The following MICAL3 variants were observed in gnomAD, a reference collection of about 807,000 sequenced individuals.
The protein encoded by MICAL3 is [F-actin]-monooxygenase MICAL3.
MICAL3 carries 62 observed loss-of-function variants against 207.4 expected under a neutral mutation model. That is an observed-to-expected ratio of 0.30 (90% confidence interval 0.24 to 0.37). The LOEUF is 0.37. Among genes scored for constraint, MICAL3 ranks in the 10% least tolerant of loss-of-function variants. MICAL3 has a pLI of 1.00. For missense variants in MICAL3, 2,368 were observed against 2,635.6 expected, an observed-to-expected ratio of 0.90 and a Z score of 2.22; for synonymous variants, 1,077 against 1,069.3, an observed-to-expected ratio of 1.01 and a Z score of -0.14.
At chr22:17,933,232 C>T (rs1933356078) in intron 1 of MICAL3, among the ~76,000 whole-genome samples, 1 of 152,198 alleles carries the variant, frequency 6.6e-6, no homozygotes, top group South Asian at 2.1e-4. Context: ...TAAAGCACTC[C>T]TCAGCAAATG....
At chr22:17,884,961 A>T (rs538710934) in intron 16 of MICAL3, among the ~76,000 whole-genome samples, 9 of 152,332 alleles carry the variant, frequency 5.9e-5, no homozygotes, top group South Asian at 2.1e-4. Context: ...GGAGAGAGAG[A>T]AGAGAAATTC....
chr22:17,886,081 C>T lies in MICAL3; in HGVS notation c.2068-30G>A, dbSNP rs367847172. 128 of 1,610,542 alleles carry T rather than the reference C, an allele frequency of 7.9e-5. No individual in the cohort carries two copies. The Middle Eastern group carries it at 1.4e-3, about 18-fold the overall frequency. ...TCAATGCCAACCCCAAAGAACCCGG[C>T]GCTGTGACAGGAGGCTCCCCCCATG... On this transcript the variant is annotated intron_variant, in intron 15 of 31. Transcript: ENST00000441493.
At chr22:17,869,704 C>T (rs1927519046) in intron 17 of MICAL3, among the ~76,000 whole-genome samples, 1 of 152,210 alleles carries the variant, frequency 6.6e-6, no homozygotes, top group Non-Finnish European at 1.5e-5. Flanking sequence ...GTCACAATCC[C>T]TGAATCTCTG....
At chr22:17,853,016 A>G (rs1925500297) in intron 19 of MICAL3, among the ~76,000 whole-genome samples, 1 of 151,756 alleles carries the variant, frequency 6.6e-6, no homozygotes, top group South Asian at 2.1e-4. Flanking sequence ...TGGAGGCTGC[A>G]GTGAGCCAAG....
intron 1 of MICAL3, among the ~76,000 whole-genome samples, chr22:17,916,067 A>AAAC (rs1569131690): frequency 6.7e-6 from 1 of 150,090 alleles, no homozygotes; most frequent in African/African-American, 2.5e-5. Flanking sequence ...AAAAAAAAAA[A>AAAC]AAAAAAAAAA....
At chr22:17,909,934 A>G (rs1932000871) in intron 1 of MICAL3, among the ~76,000 whole-genome samples, 3 of 152,180 alleles carry the variant, frequency 2.0e-5, no homozygotes. Flanking sequence ...TTTGACAAGC[A>G]CACAGCATGG....
intron 29 of MICAL3, chr22:17,791,507 T>C: frequency 3.4e-6 from 2 of 591,856 alleles, no homozygotes; most frequent in South Asian, 3.9e-5. Flanking sequence ...CTGCCATCCC[T>C]GTTCACCCCG....
chr22:17,893,404 T>C (rs114425076), intron 11 of MICAL3, among the ~76,000 whole-genome samples: 1,825 of 152,240 alleles, frequency 0.012, 39 homozygotes, highest in African/African-American at 0.04. Flanking sequence ...CTGGCTATGT[T>C]GCAGGACCCA....
intron 1 of MICAL3, among the ~76,000 whole-genome samples, chr22:18,001,666 G>GCCAGAAT (rs939506193): frequency 3.9e-5 from 6 of 152,238 alleles, no homozygotes; most frequent in Non-Finnish European, 8.8e-5. Context: ...GCTCAGTCTT[G>GCCAGAAT]CCAGAATCTC....
intron 1 of MICAL3, among the ~76,000 whole-genome samples, chr22:17,986,632 G>A (rs1252073542): frequency 1.3e-5 from 2 of 152,076 alleles, no homozygotes; most frequent in African/African-American, 2.4e-5. Context: ...TTAGCTAAAC[G>A]CAGTGAGTCA....
chr22:17,827,747 C>A lies in MICAL3; in HGVS notation c.3090G>T (p.Ala1030=). ...GNQRLQQVMH[A]ADPLEIQADV... is the part of the protein sequence containing the mutation. The stretch of plus-strand genomic sequence containing the variant: ...CAGCCTGGATCTCCAGAGGATCCGC[C>A]GCGTGCATGACCTGCTGGAGCCTCT... Residue 1030 remains alanine (A), a synonymous_variant, in exon 22 of 32, where the codon GCG becomes GCT. Coordinates refer to ENST00000441493, the MANE Select transcript of MICAL3 (RefSeq NM_015241.3). The A allele has an allele frequency of 6.4e-7, 1 of 1,558,436 alleles. No individual in the cohort carries two copies. Among genetic ancestry groups the A allele is most frequent in the Non-Finnish European group, 8.7e-7 (1 of 1,151,394 alleles).
At chr22:17,800,726 A>G (rs1485020172) in intron 29 of MICAL3, among the ~76,000 whole-genome samples, 3 of 152,080 alleles carry the variant, frequency 2.0e-5, no homozygotes, top group African/African-American at 7.2e-5. Flanking sequence ...TGGCACAGAA[A>G]TGGGGCTTCG....
chr22:17,798,301 T>C (rs1431076616), intron 29 of MICAL3, among the ~76,000 whole-genome samples: 1 of 152,246 alleles, frequency 6.6e-6, no homozygotes, highest in Non-Finnish European at 1.5e-5. Context: ...GATATGCTGT[T>C]GTGTGTTTCA....
chr22:17,996,058 C>G (rs1922238101), intron 1 of MICAL3, among the ~76,000 whole-genome samples: 2 of 147,538 alleles, frequency 1.4e-5, no homozygotes, highest in South Asian at 4.3e-4. Context: ...ACTACTCAGG[C>G]AGTCAAGGTT....
intron 16 of MICAL3, among the ~76,000 whole-genome samples, chr22:17,879,738 G>A (rs1292048507): frequency 1.3e-5 from 2 of 152,194 alleles, no homozygotes; most frequent in East Asian, 3.8e-4. Context: ...TAGAAGGAGA[G>A]GCAGGTTAAA....
chr22:17,962,789 A>G (rs953392052), intron 1 of MICAL3, among the ~76,000 whole-genome samples: 1 of 150,938 alleles, frequency 6.6e-6, no homozygotes, highest in Non-Finnish European at 1.5e-5. Flanking sequence ...TCTTATCTGT[A>G]TCCTGTGAAA....
chr22:17,909,652 G>A (rs888773720), intron 1 of MICAL3, among the ~76,000 whole-genome samples: 8 of 152,218 alleles, frequency 5.3e-5, no homozygotes, highest in Non-Finnish European at 1.5e-5. Flanking sequence ...AAAAAGAAAG[G>A]TTTTATTCTA....
chr22:17,869,521 G>A (rs1234866793), intron 17 of MICAL3, among the ~76,000 whole-genome samples: 1 of 152,160 alleles, frequency 6.6e-6, no homozygotes, highest in Non-Finnish European at 1.5e-5. Flanking sequence ...AGCTGGCAGC[G>A]ATCACAAATG....
In MICAL3 at chr22:17,809,013, C is replaced by T. The variant is rs938076703; in HGVS notation, c.5557-76G>A. 2.5e-5 allele frequency: 32 copies of T among 1,283,750 alleles called. No homozygotes were observed. The Middle Eastern group carries it at 7.3e-4, about 29-fold the overall frequency. 79.5% of individuals were successfully genotyped at this position (1,283,750 alleles called of 1,614,324 possible). ...GAGGACACACAACTCCACACCCACA[C>T]GAGGGGAAACACAGGAGTTGCCGCT... On this transcript the variant is annotated intron_variant, in intron 28 of 31. Coordinates refer to ENST00000441493, the MANE Select transcript of MICAL3 (RefSeq NM_015241.3).
Sources: gnomAD v4.1 joint callset for allele counts (sites outside exome capture counted in the v4.1 genomes callset) on GRCh38, gnomAD v4.1.1 for gene constraint, MANE v1.5 for transcripts, NCBI Gene and HGNC (gene_info 2026-07-23, HGNC 2026-07-21) for gene names.